Variants in ZNF521 observed in about 807,000 individuals in gnomAD.
ZNF521 encodes zinc finger protein 521, also known as LYST-interacting protein 3.
In ZNF521, 14 loss-of-function variants were observed where a neutral mutation model predicts 105.5. The observed-to-expected ratio is 0.13, with a 90% CI of 0.09 to 0.21. ZNF521 has a LOEUF of 0.21. Among genes scored for constraint, ZNF521 ranks in the 10% least tolerant of loss-of-function variants. The pLI is 1.00. For missense variants in ZNF521, 1,233 were observed against 1,629.7 expected, an observed-to-expected ratio of 0.76 and a Z score of 4.19; for synonymous variants, 635 against 606.0, an observed-to-expected ratio of 1.05 and a Z score of -0.70.
At chr18:25,317,375 T>G (rs1912698574) in intron 3 of ZNF521, among the ~76,000 whole-genome samples, 1 of 152,208 alleles carries the variant, frequency 6.6e-6, no homozygotes, top group Non-Finnish European at 1.5e-5. Flanking sequence ...TTGCTTCGAT[T>G]CAATTTTATA....
Position 25,136,917 on chromosome 18 carries a change from G to A in ZNF521, c.3659-44836C>T, listed in dbSNP as rs2034745357. Among the ~76,000 whole-genome samples, 3 of 152,092 alleles carry A rather than the reference G, an allele frequency of 2.0e-5. No homozygotes were observed. In the South Asian group the frequency reaches 6.2e-4, roughly 32 times the overall value. ...GTGAGTGTGCCGAATGTGGTTGTTG[G>A]ACTGGGGGAATACAAGAGACCTTGG... is the stretch of plus-strand genomic sequence containing the variant. On this transcript the variant is annotated intron_variant, in intron 5 of 7. Coordinates refer to ENST00000361524, the MANE Select transcript of ZNF521 (RefSeq NM_015461.3).
intron 4 of ZNF521, among the ~76,000 whole-genome samples, chr18:25,195,572 TA>T (rs34511439): frequency 8.6e-5 from 13 of 150,938 alleles, no homozygotes; most frequent in Admixed American, 6.0e-4. Flanking sequence ...ACATGCGTAT[TA>T]AAAAAAAATC....
intron 3 of ZNF521, among the ~76,000 whole-genome samples, chr18:25,303,328 C>T (rs1302074000): frequency 2.0e-5 from 3 of 147,646 alleles, no homozygotes; most frequent in East Asian, 2.0e-4. Context: ...GACGGAGTCT[C>T]GCTCTGTCAC....
intron 5 of ZNF521, among the ~76,000 whole-genome samples, chr18:25,192,856 TTC>T (rs1347340685): frequency 6.6e-6 from 1 of 152,090 alleles, no homozygotes; most frequent in Non-Finnish European, 1.5e-5. Context: ...GGTTTTTGCA[TTC>T]TCTCTAGATA....
chr18:25,310,256 G>A (rs1040472006), intron 3 of ZNF521, among the ~76,000 whole-genome samples: 3 of 152,090 alleles, frequency 2.0e-5, no homozygotes, highest in Non-Finnish European at 4.4e-5. Context: ...AAATAGTTCA[G>A]TGTACATGCC....
intron 2 of ZNF521, among the ~76,000 whole-genome samples, chr18:25,341,039 G>T (rs138231369): frequency 2.6e-5 from 4 of 151,886 alleles, no homozygotes; most frequent in Admixed American, 1.3e-4. Flanking sequence ...CTTTTTCTTC[G>T]GTCAGTTACA....
chr18:25,138,525 T>A (rs1026875106), intron 5 of ZNF521, among the ~76,000 whole-genome samples: 1 of 70,580 alleles, frequency 1.4e-5, no homozygotes, highest in Non-Finnish European at 2.7e-5. Context: ...AGGGTGGGGG[T>A]GGGGAGGACA....
At chr18:25,317,284 T>A (rs979529147) in intron 3 of ZNF521, among the ~76,000 whole-genome samples, 1 of 152,176 alleles carries the variant, frequency 6.6e-6, no homozygotes. Flanking sequence ...TAACTCATAA[T>A]CTTTGCCATA....
intron 7 of ZNF521, among the ~76,000 whole-genome samples, chr18:25,064,258 A>G (rs1322303906): frequency 6.6e-6 from 1 of 152,042 alleles, no homozygotes; most frequent in Non-Finnish European, 1.5e-5. Flanking sequence ...GCAGTCTATT[A>G]GAAAAGAACA....
Position 25,230,156 on chromosome 18 carries a change from C to T in ZNF521, c.221-2459G>A, listed in dbSNP as rs563316530. Among the ~76,000 whole-genome samples, 61 of 152,248 alleles carry T rather than the reference C, an allele frequency of 4.0e-4. No homozygotes were observed. The South Asian group carries it at 6.6e-3, about 17-fold the overall frequency. ...ACCTTTTCTTTCTTCTCTCCAGTCC[C>T]CATTACTTGTCTTTGTAAAGGAAAT... On this transcript the variant is annotated intron_variant, in intron 3 of 7. Coordinates refer to ENST00000361524, the MANE Select transcript of ZNF521 (RefSeq NM_015461.3).
intron 3 of ZNF521, among the ~76,000 whole-genome samples, chr18:25,282,248 A>C (rs1910426030): frequency 1.3e-5 from 2 of 152,090 alleles, no homozygotes; most frequent in Non-Finnish European, 2.9e-5. Flanking sequence ...TGGGGGGATG[A>C]GGGGATCAGC....
At chr18:25,108,919 C>A (rs188701399) in intron 5 of ZNF521, among the ~76,000 whole-genome samples, 62 of 152,242 alleles carry the variant, frequency 4.1e-4, no homozygotes, top group African/African-American at 1.4e-3. Flanking sequence ...GCCACTGCAC[C>A]TGGCTAGATT....
intron 4 of ZNF521, among the ~76,000 whole-genome samples, chr18:25,209,321 AG>A (rs1444116804): frequency 3.9e-5 from 6 of 152,014 alleles, no homozygotes; most frequent in Non-Finnish European, 8.8e-5. Flanking sequence ...TAGTAGAGAC[AG>A]GGTTTCACCA....
intron 2 of ZNF521, chr18:25,327,718 G>A (rs757003181): frequency 3.1e-5 from 16 of 518,322 alleles, no homozygotes; most frequent in East Asian, 1.1e-4. Flanking sequence ...CAGATTTAGG[G>A]GAAATAAATC....
chr18:25,241,909 T>C (rs987579523), intron 3 of ZNF521, among the ~76,000 whole-genome samples: 5 of 152,222 alleles, frequency 3.3e-5, no homozygotes, highest in South Asian at 2.1e-4. Flanking sequence ...GAAAAAAGAA[T>C]GTATGCGTGC....
At chr18:25,164,733 C>T (rs974791720) in intron 5 of ZNF521, among the ~76,000 whole-genome samples, 1 of 152,216 alleles carries the variant, frequency 6.6e-6, no homozygotes, top group Non-Finnish European at 1.5e-5. Flanking sequence ...GATCACACTG[C>T]TGCCCCTCCC....
chr18:25,124,897 C>T (rs962107269), intron 5 of ZNF521, among the ~76,000 whole-genome samples: 1 of 152,150 alleles, frequency 6.6e-6, no homozygotes, highest in Non-Finnish European at 1.5e-5. Flanking sequence ...CCAAGCTATG[C>T]TCACAGTAAC....
chr18:25,182,896 G>C (rs563824653), intron 5 of ZNF521, among the ~76,000 whole-genome samples: 1 of 152,008 alleles, frequency 6.6e-6, no homozygotes, highest in Non-Finnish European at 1.5e-5. Flanking sequence ...AGCATGGAAA[G>C]GTTTAAATGT....
At chr18:25,283,275 C>T (rs1224905374) in intron 3 of ZNF521, among the ~76,000 whole-genome samples, 1 of 152,220 alleles carries the variant, frequency 6.6e-6, no homozygotes, top group Non-Finnish European at 1.5e-5. Flanking sequence ...CCTGGTTTTG[C>T]ACATCATACA....
Sources: allele counts gnomAD v4.1 joint callset (sites outside exome capture counted in the v4.1 genomes callset), GRCh38; gene constraint gnomAD v4.1.1; transcripts MANE v1.5; gene names NCBI Gene and HGNC (gene_info 2026-07-23, HGNC 2026-07-21).